The following FRMPD4 variants were observed in gnomAD, a reference collection of about 807,000 sequenced individuals.
The protein encoded by FRMPD4 is FERM and PDZ domain-containing protein 4.
FRMPD4 carries 22 observed loss-of-function variants against 94.1 expected under a neutral mutation model. The observed-to-expected ratio is 0.23, with a 90% CI of 0.17 to 0.33. The LOEUF (loss-of-function observed/expected upper bound fraction) is 0.33, where lower values mean the gene tolerates loss of function less well. FRMPD4 is among the 10% of genes least tolerant of loss of function. The pLI, the probability that FRMPD4 is intolerant of heterozygous loss-of-function variation, is 1.00. For synonymous variants in FRMPD4, 631 were observed against 548.6 expected, an observed-to-expected ratio of 1.15 and a Z score of -2.10; for missense variants, 1,111 against 1,339.9, an observed-to-expected ratio of 0.83 and a Z score of 2.67.
chrX:12,464,663 T>C (rs1217510626), intron 1 of FRMPD4, among the ~76,000 whole-genome samples: 1 of 112,149 alleles, frequency 8.9e-6, no homozygotes, highest in Non-Finnish European at 1.9e-5. Context: ...GGTATATACA[T>C]GACGGCAAGG....
intron 1 of FRMPD4, among the ~76,000 whole-genome samples, chrX:11,840,878 A>G (rs1432451859): frequency 1.0e-5 from 1 of 98,835 alleles, no homozygotes; most frequent in African/African-American, 3.7e-5. Context: ...ATATCTCCTA[A>G]AGCTATCCCG....
intron 1 of FRMPD4, among the ~76,000 whole-genome samples, chrX:12,326,000 AT>A (rs1415775574): frequency 2.7e-5 from 3 of 111,791 alleles, no homozygotes; most frequent in Admixed American, 9.5e-5. Flanking sequence ...CCCACCAATA[AT>A]TTTCACTTCC....
chrX:12,691,308 A>C (rs755933473), intron 8 of FRMPD4, among the ~76,000 whole-genome samples: 1 of 109,961 alleles, frequency 9.1e-6, no homozygotes, highest in Admixed American at 9.7e-5. Context: ...TTTGAGACAG[A>C]GTCTCACTCT....
In FRMPD4 at chrX:12,563,273, C is replaced by CACACAT. The variant is rs759425109; in HGVS notation, c.159-46447_159-46446insCACATA. ...ACACACACACACACACACACACACA[C>CACACAT]ATACCAGACCTCTGAATCAGAGACA... On this transcript the variant is annotated intron_variant, in intron 2 of 16. Coordinates refer to ENST00000675598, the MANE Select transcript of FRMPD4 (RefSeq NM_001368397.1). Among the ~76,000 whole-genome samples the CACACAT allele has an allele frequency of 8.3e-4, 92 of 110,520 alleles. 1 individual carries two copies. Among genetic ancestry groups the CACACAT allele is most frequent in the African/African-American group, 2.9e-3 (87 of 30,237 alleles).
At chrX:12,257,779 A>G (rs769381104) in intron 1 of FRMPD4, among the ~76,000 whole-genome samples, 2 of 111,836 alleles carry the variant, frequency 1.8e-5, no homozygotes, top group African/African-American at 3.2e-5. Context: ...TAAGTAGTAC[A>G]TGAGAAAGTT....
chrX:12,443,160 G>A (rs1050799188), intron 1 of FRMPD4, among the ~76,000 whole-genome samples: 1 of 111,677 alleles, frequency 9.0e-6, no homozygotes, highest in Non-Finnish European at 1.9e-5. Flanking sequence ...ATAGAAAGTG[G>A]TGATGGTTGC....
intron 1 of FRMPD4, among the ~76,000 whole-genome samples, chrX:12,285,435 T>C (rs1227886482): frequency 9.0e-6 from 1 of 111,724 alleles, no homozygotes; most frequent in Non-Finnish European, 1.9e-5. Context: ...ATTTGATTTT[T>C]TTTCATTTTG....
chrX:11,862,972 T>TTG (rs1413320841), intron 1 of FRMPD4, among the ~76,000 whole-genome samples: 95 of 99,599 alleles, frequency 9.5e-4, no homozygotes, highest in African/African-American at 3.2e-3. Flanking sequence ...TTTTTTTTTT[T>TTG]TTTTTTTTTT....
At chrX:12,083,529 G>A (rs182609532) in intron 3 of FRMPD4, among the ~76,000 whole-genome samples, 1 of 112,716 alleles carries the variant, frequency 8.9e-6, no homozygotes, top group East Asian at 2.8e-4. Flanking sequence ...TCCCTACTGG[G>A]GTACTGCCTA....
intron 1 of FRMPD4, among the ~76,000 whole-genome samples, chrX:12,437,479 G>T (rs1373078344): frequency 9.1e-6 from 1 of 109,445 alleles, no homozygotes; most frequent in African/African-American, 3.3e-5. Flanking sequence ...AGTTAGGCTG[G>T]GATAGTCCTA....
chrX:12,380,566 C>T (rs2056304769), intron 1 of FRMPD4, among the ~76,000 whole-genome samples: 1 of 112,025 alleles, frequency 8.9e-6, no homozygotes. Flanking sequence ...TTTGCTTGAA[C>T]TAAAGCAAGT....
At chrX:12,387,018 A>G (rs1199014258) in intron 1 of FRMPD4, among the ~76,000 whole-genome samples, 1 of 112,100 alleles carries the variant, frequency 8.9e-6, no homozygotes, top group East Asian at 2.8e-4. Context: ...CATAAAGAGA[A>G]GCTTTTTTAA....
At chrX:11,849,459 C>G (rs749415200) in intron 1 of FRMPD4, among the ~76,000 whole-genome samples, 17 of 111,107 alleles carry the variant, frequency 1.5e-4, no homozygotes, top group Non-Finnish European at 5.7e-5. Context: ...GCCCAAATAA[C>G]CAAAACAGTC....
At chrX:12,131,259 T>C (rs1421716780) in intron 3 of FRMPD4, among the ~76,000 whole-genome samples, 1 of 112,251 alleles carries the variant, frequency 8.9e-6, no homozygotes, top group African/African-American at 3.2e-5. Context: ...TTTATAGATA[T>C]ACAGTTATCT....
intron 1 of FRMPD4, among the ~76,000 whole-genome samples, chrX:12,182,385 A>G (rs1008184595): frequency 9.0e-6 from 1 of 110,631 alleles, no homozygotes; most frequent in African/African-American, 3.3e-5. Flanking sequence ...TTACTGTCAT[A>G]TTTATATTCT....
At chrX:12,597,914 C>A (rs534282339) in intron 2 of FRMPD4, among the ~76,000 whole-genome samples, 3 of 112,279 alleles carry the variant, frequency 2.7e-5, no homozygotes, top group South Asian at 7.4e-4. Flanking sequence ...AAAGAGATCT[C>A]ATTTCATTTA....
chrX:12,719,738 A>G (rs1034808048), intron 16 of FRMPD4, among the ~76,000 whole-genome samples: 1 of 111,227 alleles, frequency 9.0e-6, no homozygotes, highest in Non-Finnish European at 1.9e-5. Context: ...ACTAAGTCAC[A>G]CTGTTTAATC....
chrX:12,284,833 A>G (rs186185214), intron 1 of FRMPD4, among the ~76,000 whole-genome samples: 1 of 112,080 alleles, frequency 8.9e-6, no homozygotes, highest in Non-Finnish European at 1.9e-5. Context: ...CCTGTTTTCT[A>G]ATTCTGCCTC....
chrX:11,993,111 G>T (rs1363069575), intron 3 of FRMPD4, among the ~76,000 whole-genome samples: 1 of 109,780 alleles, frequency 9.1e-6, no homozygotes, highest in Non-Finnish European at 1.9e-5. Flanking sequence ...TTTTTAACTG[G>T]AGAGAATAGG....
Sources: gnomAD v4.1 joint callset for allele counts (sites outside exome capture counted in the v4.1 genomes callset) on GRCh38, gnomAD v4.1.1 for gene constraint, MANE v1.5 for transcripts, NCBI Gene and HGNC (gene_info 2026-07-23, HGNC 2026-07-21) for gene names.